The following NSF variants were observed in gnomAD, a reference collection of about 807,000 sequenced individuals.
NSF encodes the protein N-ethylmaleimide sensitive factor, vesicle fusing ATPase.
A neutral mutation model predicts 50.3 loss-of-function variants in NSF; 14 were observed. The ratio of observed to expected loss-of-function variants is 0.28; its 90% CI spans 0.18 to 0.44. The LOEUF (loss-of-function observed/expected upper bound fraction) is 0.44. Ranked by LOEUF, NSF falls within the 20% of genes least tolerant of loss-of-function variation. NSF has a pLI of 1.00. For missense variants in NSF, 218 were observed against 504.3 expected, an observed-to-expected ratio of 0.43 and a Z score of 5.44; for synonymous variants, 109 against 175.7, an observed-to-expected ratio of 0.62 and a Z score of 3.00.
intron 17 of NSF, among the ~76,000 whole-genome samples, chr17:46,742,056 A>C (rs2059078887): frequency 6.6e-6 from 1 of 152,202 alleles, no homozygotes; most frequent in East Asian, 1.9e-4. Context: ...ACTGGCCAAT[A>C]GTACTTGTTA....
intron 16 of NSF, among the ~76,000 whole-genome samples, chr17:46,727,655 A>G (rs964134756): frequency 6.6e-6 from 1 of 152,152 alleles, no homozygotes; most frequent in Non-Finnish European, 1.5e-5. Context: ...TGGGTCTGCT[A>G]GGTTTGATAC....
At chr17:46,723,461 C>A (rs1440510891) in intron 15 of NSF, among the ~76,000 whole-genome samples, 1 of 152,168 alleles carries the variant, frequency 6.6e-6, no homozygotes, top group African/African-American at 2.4e-5. Flanking sequence ...TCAGTTGTCT[C>A]GAATGTACCA....
chr17:46,726,092 AT>A (rs1442006214), intron 15 of NSF, among the ~76,000 whole-genome samples: 1 of 152,166 alleles, frequency 6.6e-6, no homozygotes, highest in African/African-American at 2.4e-5. Context: ...CTCTTTTACC[AT>A]TATGGTCTGA....
intron 16 of NSF, 49 bp downstream of exon 16, chr17:46,726,664 A>T: frequency 6.8e-7 from 1 of 1,478,474 alleles, no homozygotes; most frequent in Non-Finnish European, 9.5e-7. Context: ...ATTACAGCTA[A>T]TATCTCAAAA....
At position 46,756,961 on chromosome 17, in the gene NSF, A is replaced by G. The variant is rs1327952564; in HGVS notation, c.*1138A>G. On this transcript the variant is annotated 3_prime_UTR_variant, in exon 21 of 21. Coordinates refer to ENST00000398238, the MANE Select transcript of NSF (RefSeq NM_006178.4). The stretch of plus-strand genomic sequence containing the variant: ...GACTTAGCAGGAATTTAATTAGGTC[A>G]TATTTGGTGATGAGACTTATGGAGT... 6.6e-6 allele frequency: 1 copy of G among 152,414 alleles called. No homozygotes were observed. The allele number at this position is 152,414 out of a possible 1,614,324, so 9.4% of individuals were successfully genotyped here. A position where few individuals can be genotyped will look rare whatever the true frequency, so the allele number is the denominator to read the frequency against.
chr17:46,738,839 C>G (rs1568055678), intron 17 of NSF, among the ~76,000 whole-genome samples: 1 of 152,274 alleles, frequency 6.6e-6, no homozygotes, highest in Admixed American at 6.5e-5. Context: ...CAGTGGCTTA[C>G]GCCTATAATC....
intron 9 of NSF, among the ~76,000 whole-genome samples, chr17:46,685,490 G>A (rs1163204286): frequency 6.6e-6 from 1 of 151,944 alleles, no homozygotes; most frequent in Non-Finnish European, 1.5e-5. Context: ...CTTGCATATA[G>A]GTCAAACTAG....
Position 46,751,602 on chromosome 17 carries a change from G to A in NSF, c.2143G>A (p.Glu715Lys). 6.2e-7 allele frequency: 1 copy of A among 1,610,920 alleles called. No individual in the cohort carries two copies. Among genetic ancestry groups the A allele is most frequent in the Non-Finnish European group, 8.5e-7 (1 of 1,177,302 alleles). The change falls in exon 19 of 21, where the codon GAG (glutamate) becomes AAG (lysine). Residue 715 changes from glutamate (E) to lysine (K), a missense_variant. Physicochemically the swap from Glu to Lys is moderately conservative, Grantham distance 56. Coordinates refer to ENST00000398238, the MANE Select transcript of NSF (RefSeq NM_006178.4). The part of the protein sequence containing the change: ...IGIKKLLMLI[E>K]MSLQMDPEYR... Reference sequence around the variant, plus strand: ...AATCAAGAAGTTACTAATGCTGATCGAGATGTCCCTACAGGTAAGGTACTT... The same window carrying A: ...AATCAAGAAGTTACTAATGCTGATCAAGATGTCCCTACAGGTAAGGTACTT...
rs1251043419 is a variant in NSF at position 46,757,311 on chromosome 17, C to T, written c.*1488C>T. Reference sequence around the variant, plus strand: ...TATCCTGGATTCCTCTAAGATCTTGCCTCTTTCCTCCTCATGAAAGCAGCA... The same window carrying T: ...TATCCTGGATTCCTCTAAGATCTTGTCTCTTTCCTCCTCATGAAAGCAGCA... On this transcript the variant is annotated 3_prime_UTR_variant, in exon 21 of 21. Coordinates refer to ENST00000398238, the MANE Select transcript of NSF (RefSeq NM_006178.4). The T allele has an allele frequency of 1.3e-5, 2 of 152,590 alleles. No individual in the cohort carries two copies. Among genetic ancestry groups the T allele is most frequent in the Non-Finnish European group, 2.9e-5 (2 of 68,042 alleles). 9.5% of individuals were successfully genotyped at this position (152,590 alleles called of 1,614,324 possible). A position where few individuals can be genotyped will look rare whatever the true frequency, so the allele number is the denominator to read the frequency against.
chr17:46,635,576 A>G (rs1227789374), intron 4 of NSF, among the ~76,000 whole-genome samples: 2 of 95,450 alleles, frequency 2.1e-5, no homozygotes, highest in Non-Finnish European at 4.6e-5. Context: ...TTGACCCATG[A>G]TGTGTAGCAA....
intron 17 of NSF, among the ~76,000 whole-genome samples, chr17:46,735,607 G>A (rs1246723027): frequency 1.3e-5 from 2 of 152,034 alleles, no homozygotes; most frequent in Non-Finnish European, 2.9e-5. Context: ...TCTGTTGAGG[G>A]TCAGCTAAGA....
In NSF at chr17:46,744,658, C is replaced by A. The variant is rs187100419; in HGVS notation, c.1909-5115C>A. On this transcript the variant is annotated intron_variant, in intron 17 of 20. Coordinates refer to ENST00000398238, the MANE Select transcript of NSF (RefSeq NM_006178.4). ...CTTTCTTCCACTTGAACTTTTGTTACAAATCAGTTTATTGGGTCCAATCAA... is the reference window on the plus strand; with the variant it reads ...CTTTCTTCCACTTGAACTTTTGTTAAAAATCAGTTTATTGGGTCCAATCAA... 5.9e-5 allele frequency among the ~76,000 whole-genome samples: 9 copies of A among 152,062 alleles called. 1 individual carries two copies. In the East Asian group the frequency reaches 9.6e-4, roughly 16 times the overall value.
At chr17:46,716,960 A>G (rs573658357) in intron 15 of NSF, among the ~76,000 whole-genome samples, 84 of 152,314 alleles carry the variant, frequency 5.5e-4, no homozygotes, top group Non-Finnish European at 5.9e-5. Flanking sequence ...TATCTGAACA[A>G]TCCCTTTTTG....
At chr17:46,728,810 T>C in intron 16 of NSF, 45 bp from the exon 17 acceptor site, 1 of 1,338,994 alleles carries the variant, frequency 7.5e-7, no homozygotes. Flanking sequence ...TTGGAATATG[T>C]ACATGTGTAT....
chr17:46,679,685 T>C (rs935517339), intron 9 of NSF, among the ~76,000 whole-genome samples: 3 of 132,292 alleles, frequency 2.3e-5, no homozygotes, highest in East Asian at 2.1e-4. Flanking sequence ...AAAGTGAAAC[T>C]CCATGTCAAA....
intron 18 of NSF, among the ~76,000 whole-genome samples, chr17:46,751,070 G>A (rs150685205): frequency 8.6e-5 from 13 of 152,022 alleles, no homozygotes; most frequent in African/African-American, 2.9e-4. Flanking sequence ...AGTCCTCAAG[G>A]CCCCCAACAA....
Position 46,673,910 on chromosome 17 carries a change from GGTGT to G in NSF, c.746-463_746-460del, listed in dbSNP as rs61565754. Among the ~76,000 whole-genome samples the G allele has an allele frequency of 0.029, 204 of 6,992 alleles. 84 individuals are homozygous for G. In the Middle Eastern group the frequency reaches 0.56, roughly 19 times the overall value. The allele number at this position is 6,992 out of a possible 152,430, so 4.6% of individuals were successfully genotyped here. A position where few individuals can be genotyped will look rare whatever the true frequency, so the allele number is the denominator to read the frequency against. On this transcript the variant is annotated intron_variant, in intron 8 of 20. Transcript: ENST00000398238. ...TTATGGCTGAATAGTATTCCATGGG[GGTGT>G]GTGTGTGTGTGTGTGTGTGTGTGTG... is the stretch of plus-strand genomic sequence containing the variant.
chr17:46,707,885 T>C (rs1323792760), intron 13 of NSF, among the ~76,000 whole-genome samples: 1 of 151,892 alleles, frequency 6.6e-6, no homozygotes, highest in East Asian at 1.9e-4. Context: ...ATACAAAAAT[T>C]AGCCAGGAGT....
At chr17:46,602,707 G>GA (rs1568011617) in intron 1 of NSF, among the ~76,000 whole-genome samples, 1 of 143,940 alleles carries the variant, frequency 6.9e-6, no homozygotes, top group African/African-American at 2.7e-5. Flanking sequence ...CACTAATTCT[G>GA]AGTCTTCCAA....
Sources: allele counts gnomAD v4.1 joint callset (sites outside exome capture counted in the v4.1 genomes callset), GRCh38; gene constraint gnomAD v4.1.1; transcripts MANE v1.5; gene names NCBI Gene and HGNC (gene_info 2026-07-23, HGNC 2026-07-21).